Variants in MTA3 observed in about 807,000 individuals in gnomAD.
MTA3 encodes the protein metastasis-associated protein MTA3.
MTA3 carries 34 observed loss-of-function variants against 83.5 expected under a neutral mutation model. That is an observed-to-expected ratio of 0.41 (90% confidence interval 0.31 to 0.54). The LOEUF is 0.54. MTA3 is among the 20% of genes least tolerant of loss of function. The pLI is 0.33. For synonymous variants in MTA3, 303 were observed against 252.7 expected, an observed-to-expected ratio of 1.20 and a Z score of -1.89; for missense variants, 761 against 726.4, an observed-to-expected ratio of 1.05 and a Z score of -0.55.
At chr2:42,607,094 GGGTAGAGGTAGAGGTAGAGGTAGGTAGA>G (rs1418320712) in intron 3 of MTA3, among the ~76,000 whole-genome samples, 4 of 147,680 alleles carry the variant, frequency 2.7e-5, no homozygotes, top group Admixed American at 6.7e-5. Context: ...GTAGGGGTAG[GGGTAGAGGTAGAGGTAGAGGTAGGTAGA>G]GGTAGAGGGT....
chr2:42,666,393 T>G (rs1690236101), intron 8 of MTA3, among the ~76,000 whole-genome samples: 1 of 152,230 alleles, frequency 6.6e-6, no homozygotes, highest in Admixed American at 6.5e-5. Flanking sequence ...TTACTGGTAC[T>G]GTAGTCAACA....
intron 3 of MTA3, among the ~76,000 whole-genome samples, chr2:42,589,861 C>T (rs749221375): frequency 3.3e-5 from 5 of 152,116 alleles, no homozygotes; most frequent in Admixed American, 2.0e-4. Context: ...CTTTTGTCAC[C>T]AATGGTCCCT....
At chr2:42,620,707 G>GT (rs1025857369) in intron 4 of MTA3, among the ~76,000 whole-genome samples, 1 of 152,100 alleles carries the variant, frequency 6.6e-6, no homozygotes, top group African/African-American at 2.4e-5. Context: ...TGCCCAGGTT[G>GT]TTTCTTAAAC....
chr2:42,620,447 C>G (rs1191874325), intron 4 of MTA3, among the ~76,000 whole-genome samples: 1 of 152,168 alleles, frequency 6.6e-6, no homozygotes, highest in African/African-American at 2.4e-5. Flanking sequence ...CCTGTGAACT[C>G]AGAAGTACAC....
At chr2:42,608,112 G>A (rs571219060) in intron 3 of MTA3, among the ~76,000 whole-genome samples, 1 of 152,314 alleles carries the variant, frequency 6.6e-6, no homozygotes, top group Admixed American at 6.5e-5. Context: ...GGTGAACCAA[G>A]GGATCGTATA....
chr2:42,526,799 T>TA (rs1490567161), intron 2 of MTA3, among the ~76,000 whole-genome samples: 1 of 152,022 alleles, frequency 6.6e-6, no homozygotes, highest in Non-Finnish European at 1.5e-5. Flanking sequence ...CTCACGCCTG[T>TA]AATCCCAGCA....
rs950881943 is a variant in MTA3, at chr2:42,754,568, C to T, written c.*1169C>T. On this transcript the variant is annotated 3_prime_UTR_variant, in exon 17 of 17. Coordinates refer to ENST00000405094, the MANE Select transcript of MTA3 (RefSeq NM_001330442.2). ...CTGGCAGCTGCAAGGATAGGAATAG[C>T]TCAGCGCCCGATGAGCTCCCTGAGC... 2 of 985,374 alleles carry T rather than the reference C, an allele frequency of 2.0e-6. No individual in the cohort carries two copies. Among genetic ancestry groups the T allele is most frequent in the African/African-American group, 1.7e-5 (1 of 57,238 alleles). The allele number at this position is 985,374 out of a possible 1,614,324, so 61.0% of individuals were successfully genotyped here.
chr2:42,594,728 A>ATATTTTTTTTTTT, intron 3 of MTA3, among the ~76,000 whole-genome samples: 5 of 24,044 alleles, frequency 2.1e-4, no homozygotes, highest in African/African-American at 8.9e-4. Flanking sequence ...ATATATATAT[A>ATATTTTTTTTTTT]TTTTTTTTTT....
chr2:42,635,763 A>G (rs1687130819), intron 4 of MTA3, among the ~76,000 whole-genome samples: 1 of 151,954 alleles, frequency 6.6e-6, no homozygotes, highest in South Asian at 2.1e-4. Flanking sequence ...CATCTATAGG[A>G]ATTTTTCTGT....
At chr2:42,549,417 T>A (rs1170783758) in intron 2 of MTA3, among the ~76,000 whole-genome samples, 11 of 114,698 alleles carry the variant, frequency 9.6e-5, no homozygotes, top group Non-Finnish European at 1.5e-4. Flanking sequence ...ATAATATATA[T>A]TATATAATAT....
At chr2:42,626,488 G>C (rs938911588) in intron 4 of MTA3, among the ~76,000 whole-genome samples, 1 of 150,750 alleles carries the variant, frequency 6.6e-6, no homozygotes, top group African/African-American at 2.4e-5. Flanking sequence ...AGTAGAGATG[G>C]GGTTTCACCA....
chr2:42,662,390 A>G (rs969153222), intron 8 of MTA3, among the ~76,000 whole-genome samples: 4 of 151,498 alleles, frequency 2.6e-5, no homozygotes, highest in Non-Finnish European at 5.9e-5. Context: ...AGTTTTCTTC[A>G]TATTTAGGAC....
At chr2:42,572,434 C>G (rs957812614) in intron 2 of MTA3, among the ~76,000 whole-genome samples, 1 of 151,938 alleles carries the variant, frequency 6.6e-6, no homozygotes, top group African/African-American at 2.4e-5. Flanking sequence ...AAAAAAATAG[C>G]CGGGCATGAT....
chr2:42,505,054 CTG>C (rs1212003828), intron 2 of MTA3, among the ~76,000 whole-genome samples: 2 of 152,044 alleles, frequency 1.3e-5, no homozygotes, highest in East Asian at 3.9e-4. Context: ...CACAAAAACA[CTG>C]TTATTATTAC....
intron 16 of MTA3, among the ~76,000 whole-genome samples, chr2:42,732,983 A>C (rs1668338646): frequency 6.6e-6 from 1 of 152,196 alleles, no homozygotes; most frequent in African/African-American, 2.4e-5. Context: ...CCATTCAGCA[A>C]GTCTGTAGGA....
Position 42,674,975 on chromosome 2 carries a change from T to G in MTA3, c.703-7426T>G, listed in dbSNP as rs142449813. Among the ~76,000 whole-genome samples the G allele has an allele frequency of 1.5e-3, 229 of 151,880 alleles. 4 individuals are homozygous for G. The East Asian group carries it at 0.036, about 24-fold the overall frequency. The stretch of plus-strand genomic sequence containing the variant: ...CAGCTAATTAAAATTTTTTAATTAA[T>G]TAAATTTTAAAATTAAAAAATTAAT... On this transcript the variant is annotated intron_variant, in intron 8 of 16. Coordinates refer to ENST00000405094, the MANE Select transcript of MTA3 (RefSeq NM_001330442.2).
At chr2:42,659,650 G>T in intron 7 of MTA3, 113 bp from the exon 8 acceptor site, 3 of 645,894 alleles carry the variant, frequency 4.6e-6, no homozygotes, top group Admixed American at 4.5e-5. Context: ...ACTTGTTTTT[G>T]CCTCTTCTTT....
At position 42,704,265 on chromosome 2, in the gene MTA3, C is replaced by G. The variant is rs756724002; in HGVS notation, c.1097C>G (p.Thr366Ser). The part of the protein sequence containing the change: ...KPGAVNGAVG[T>S]TFQPQNPLLG... ...GGTGCTGTGAATGGAGCTGTGGGGA[C>G]CACGTTCCAGCCTCAGAATCCTCTC... is the stretch of plus-strand genomic sequence containing the variant. Residue 366 changes from threonine to serine, a missense_variant, in exon 12 of 17, where the codon ACC becomes AGC. Thr to Ser is a moderately conservative substitution (Grantham distance 58). Transcript: ENST00000405094. 1 of 1,613,978 alleles carries G rather than the reference C, an allele frequency of 6.2e-7. No individual in the cohort carries two copies. Among genetic ancestry groups the G allele is most frequent in the South Asian group, 1.1e-5 (1 of 91,086 alleles).
intron 2 of MTA3, among the ~76,000 whole-genome samples, chr2:42,521,751 CTTTTTTTT>C (rs35664371): frequency 9.4e-6 from 1 of 106,400 alleles, no homozygotes; most frequent in Non-Finnish European, 1.8e-5. Flanking sequence ...ATCTTTCTCT[CTTTTTTTT>C]TTTTTTTTTT....
Sources: gnomAD v4.1 joint callset for allele counts (sites outside exome capture counted in the v4.1 genomes callset) on GRCh38, gnomAD v4.1.1 for gene constraint, MANE v1.5 for transcripts, NCBI Gene and HGNC (gene_info 2026-07-23, HGNC 2026-07-21) for gene names.